TAS2R42: variants seen among roughly 807,000 people sequenced by gnomAD.
TAS2R42 encodes taste 2 receptor member 42, also known as taste receptor type 2 member 42.
For missense variants in TAS2R42, 356 were observed against 356.9 expected (o/e 1.00, Z 0.02); for synonymous variants, 138 against 133.0 (o/e 1.04, Z -0.26).
Position 11,186,828 on chromosome 12 carries a change from T to C in TAS2R42, c.110A>G (p.Lys37Arg). 1 of 1,614,144 alleles carries C rather than the reference T, an allele frequency of 6.2e-7. No homozygotes were observed. The highest frequency in any genetic ancestry group is 1.1e-5 in the South Asian group (1 of 91,080). The change falls in exon 1 of 1, where the codon AAG becomes AGG. Residue 37 changes from lysine to arginine, a missense_variant. Coordinates refer to ENST00000334266, the MANE Select transcript of TAS2R42 (RefSeq NM_181429.2). The stretch of plus-strand genomic sequence containing the variant: ...GTCAGCTGAGAAGACCTTTTGGTTC[T>C]TGATCCCTTCAGAGCAGTTTACCAG... ...IGLVNCSEGI[K>R]NQKVFSADFI...
At position 11,186,833 on chromosome 12, in the gene TAS2R42, C is replaced by G. The variant is rs1001178720; in HGVS notation, c.105G>C (p.Gly35=). The change falls in exon 1 of 1, where the codon GGG becomes GGC. Residue 35 remains glycine, a synonymous_variant. Coordinates refer to ENST00000334266, the MANE Select transcript of TAS2R42 (RefSeq NM_181429.2). Reference sequence around the variant, plus strand: ...CTGAGAAGACCTTTTGGTTCTTGATCCCTTCAGAGCAGTTTACCAGTCCAA... The same window carrying G: ...CTGAGAAGACCTTTTGGTTCTTGATGCCTTCAGAGCAGTTTACCAGTCCAA... ...VFIGLVNCSE[G]IKNQKVFSAD... The G allele has an allele frequency of 6.2e-7, 1 of 1,613,940 alleles. No individual in the cohort carries two copies. The highest frequency in any genetic ancestry group is 8.5e-7 in the Non-Finnish European group (1 of 1,179,980).
Position 11,186,026 on chromosome 12 carries a change from G to T in TAS2R42, c.912C>A (p.Asn304Lys), listed in dbSNP as rs144512624. The change falls in exon 1 of 1, where the codon AAC becomes AAA. Residue 304 changes from asparagine to lysine, a missense_variant. Transcript: ENST00000334266. ...TAVRLLWHLR[N>K]YTKTPNPLPL ...GTAAAGGGTTTGGTGTTTTTGTATA[G>T]TTCCTAAGATGCCACAGTAGCCTCA... The T allele has an allele frequency of 1.5e-4, 241 of 1,612,282 alleles. No individual in the cohort carries two copies. In the African/African-American group the frequency reaches 3.1e-3, roughly 21 times the overall value.
rs1326935045 is a variant in TAS2R42 at position 11,186,131 on chromosome 12, G to GACAAACTTT, written c.798_806dup (p.Lys267_Val269dup). ...AGGGAAAGGCATTTAAGGCTAACATGACAAACTTTATGCACTTGTTGTTCC... is the reference window on the plus strand; with the variant it reads ...AGGGAAAGGCATTTAAGGCTAACATGACAAACTTTACAAACTTTATGCACTTGTTGTTCC... On this transcript the variant is annotated inframe_insertion, in exon 1 of 1. Coordinates refer to ENST00000334266, the MANE Select transcript of TAS2R42 (RefSeq NM_181429.2). The GACAAACTTT allele has an allele frequency of 1.2e-6, 2 of 1,613,892 alleles. No homozygotes were observed. Among genetic ancestry groups the GACAAACTTT allele is most frequent in the Admixed American group, 3.3e-5 (2 of 59,986 alleles).
In TAS2R42 at chr12:11,186,108, G is replaced by A. The variant is rs776183247; in HGVS notation, c.830C>T (p.Pro277Leu). The A allele has an allele frequency of 7.4e-6, 12 of 1,613,982 alleles. No individual in the cohort carries two copies. Among genetic ancestry groups the A allele is most frequent in the Non-Finnish European group, 1.0e-5 (12 of 1,179,910 alleles). ...AATGAGAATAAATGAGTGGCACGAGGGAAAGGCATTTAAGGCTAACATGAC... is the reference window on the plus strand; with the variant it reads ...AATGAGAATAAATGAGTGGCACGAGAGAAAGGCATTTAAGGCTAACATGAC... ...KFVMLALNAFPSCHSFILILG... is the reference protein window; with the variant it reads ...KFVMLALNAFLSCHSFILILG... The change falls in exon 1 of 1, where the codon CCC becomes CTC. Residue 277 changes from proline to leucine, a missense_variant. Transcript: ENST00000334266.
the TAS2R42 span, chr12:11,186,428 TTCATC>T: frequency 6.2e-7 from 1 of 1,604,122 alleles, no homozygotes; most frequent in Non-Finnish European, 8.5e-7. Context: ...GAGTTTTACT[TTCATC>T]TAAATATAAA....
chr12:11,186,442 A>G lies in TAS2R42; in HGVS notation c.496T>C (p.Leu166=), dbSNP rs1184024033. 1 of 1,604,610 alleles carries G rather than the reference A, an allele frequency of 6.2e-7. No homozygotes were observed. The highest frequency in any genetic ancestry group is 8.5e-7 in the Non-Finnish European group (1 of 1,175,108). ...AGAGTTTTACTTTCATCTAAATATA[A>G]AGTCAGATTACTTTTATCTATTATA... ...LNIIDKSNLT[L]YLDESKTLYD... The change falls in exon 1 of 1, where the codon TTA becomes CTA. Residue 166 remains leucine (L), a synonymous_variant. Coordinates refer to ENST00000334266, the MANE Select transcript of TAS2R42 (RefSeq NM_181429.2).
chr12:11,186,453 C>T lies in TAS2R42; in HGVS notation c.485G>A (p.Ser162Asn). 6.2e-7 allele frequency: 1 copy of T among 1,605,864 alleles called. No individual in the cohort carries two copies. Among genetic ancestry groups the T allele is most frequent in the Non-Finnish European group, 8.5e-7 (1 of 1,175,896 alleles). The change falls in exon 1 of 1, where the codon AGT becomes AAT. Residue 162 changes from serine (S) to asparagine (N), a missense_variant. Coordinates refer to ENST00000334266, the MANE Select transcript of TAS2R42 (RefSeq NM_181429.2). ...TTCATCTAAATATAAAGTCAGATTA[C>T]TTTTATCTATTATATTGAGTGAGAT... ...IDISLNIIDK[S>N]NLTLYLDESK...
rs1180856325 is a variant in TAS2R42, at chr12:11,186,483, A to G, written c.455T>C (p.Ile152Thr). 4 of 1,612,162 alleles carry G rather than the reference A, an allele frequency of 2.5e-6. No homozygotes were observed. In the African/African-American group the frequency reaches 5.4e-5, roughly 22 times the overall value. ...ATCTATTATATTGAGTGAGATATCAATAAATATTTCTAGCACTAAACTGTC... is the reference window on the plus strand; with the variant it reads ...ATCTATTATATTGAGTGAGATATCAGTAAATATTTCTAGCACTAAACTGTC... Reference protein sequence around the residue: ...IFDSLVLEIFIDISLNIIDKS... With the variant: ...IFDSLVLEIFTDISLNIIDKS... Residue 152 changes from isoleucine (I) to threonine (T), a missense_variant, in exon 1 of 1, where the codon ATT becomes ACT. By Grantham distance (89) the Ile-to-Thr change is moderately conservative. Coordinates refer to ENST00000334266, the MANE Select transcript of TAS2R42 (RefSeq NM_181429.2).
Position 11,186,826 on chromosome 12 carries a change from T to G in TAS2R42, c.112A>C (p.Asn38His), listed in dbSNP as rs1473137609. The change falls in exon 1 of 1, where the codon AAC becomes CAC. Residue 38 changes from asparagine (N) to histidine (H), a missense_variant. Transcript: ENST00000334266. The stretch of plus-strand genomic sequence containing the variant: ...AAGTCAGCTGAGAAGACCTTTTGGT[T>G]CTTGATCCCTTCAGAGCAGTTTACC... ...GLVNCSEGIK[N>H]QKVFSADFIL... is the part of the protein sequence containing the mutation. 6.2e-7 allele frequency: 1 copy of G among 1,614,072 alleles called. No individual in the cohort carries two copies. Among genetic ancestry groups the G allele is most frequent in the African/African-American group, 1.3e-5 (1 of 75,034 alleles).
chr12:11,186,247 TCCTATGGG>T, the TAS2R42 span: 1 of 1,613,732 alleles, frequency 6.2e-7, no homozygotes, highest in Non-Finnish European at 8.5e-7. Context: ...TTCATGGCCC[TCCTATGGG>T]CCTCTGTGCT....
Position 11,186,708 on chromosome 12 carries a change from G to C in TAS2R42, c.230C>G (p.Thr77Ser), listed in dbSNP as rs150770495. 1.9e-6 allele frequency: 3 copies of C among 1,613,932 alleles called. No homozygotes were observed. In the African/African-American group the frequency reaches 4.0e-5, roughly 22 times the overall value. ...FLVGLASHLY[T>S]TYRLGKTVIM... ...AACAGTTTTTCCTAGTCTATATGTG[G>C]TATATAAATGTGAAGCAAGTCCCAC... Residue 77 changes from threonine to serine, a missense_variant, in exon 1 of 1, where the codon ACC becomes AGC. Coordinates refer to ENST00000334266, the MANE Select transcript of TAS2R42 (RefSeq NM_181429.2).
Position 11,186,661 on chromosome 12 carries a change from T to C in TAS2R42, c.277A>G (p.Asn93Asp). The C allele has an allele frequency of 6.2e-7, 1 of 1,614,108 alleles. No homozygotes were observed. Among genetic ancestry groups the C allele is most frequent in the Non-Finnish European group, 8.5e-7 (1 of 1,180,014 alleles). ...GTGGCAAGCCAGGTTGTCAAGTGAT[T>C]AGTCATGTGCCAAAGCATAATAACA... ...KTVIMLWHMT[N>D]HLTTWLATCL... Residue 93 changes from asparagine to aspartate, a missense_variant, in exon 1 of 1, where the codon AAT (asparagine) becomes GAT (aspartate). Asn to Asp is a conservative substitution (Grantham distance 23, BLOSUM62 1). Transcript: ENST00000334266.
Position 11,186,467 on chromosome 12 carries a change from A to T in TAS2R42, c.471T>A (p.Asn157Lys), listed in dbSNP as rs1948026323. ...VLEIFIDISL[N>K]IIDKSNLTLY... ...AAGTCAGATTACTTTTATCTATTAT[A>T]TTGAGTGAGATATCAATAAATATTT... The change falls in exon 1 of 1, where the codon AAT becomes AAA. Residue 157 changes from asparagine to lysine, a missense_variant. Transcript: ENST00000334266. 1.2e-6 allele frequency: 2 copies of T among 1,610,352 alleles called. No individual in the cohort carries two copies. Among genetic ancestry groups the T allele is most frequent in the Non-Finnish European group, 1.7e-6 (2 of 1,177,672 alleles).
At chr12:11,186,480 TCA>T in the TAS2R42 span, 1 of 1,611,912 alleles carries the variant, frequency 6.2e-7, no homozygotes, top group Non-Finnish European at 8.5e-7. Context: ...GAGTGAGATA[TCA>T]ATAAATATTT....
Position 11,186,207 on chromosome 12 carries a change from A to G in TAS2R42, c.731T>C (p.Ile244Thr), listed in dbSNP as rs1422744681. Residue 244 changes from isoleucine (I) to threonine (T), a missense_variant, in exon 1 of 1, where the codon ATA becomes ACA. Physicochemically the swap from Ile to Thr is moderately conservative, Grantham distance 89 (BLOSUM62 -1). Transcript: ENST00000334266. ...KMVMSFLFLF[I>T]VHFFSLQVAN... is the part of the protein sequence containing the mutation. ...CACTTGTAAGGAAAAAAAATGAACTATGAAGAGGAAAAGGAAAGACATCAC... is the reference window on the plus strand; with the variant it reads ...CACTTGTAAGGAAAAAAAATGAACTGTGAAGAGGAAAAGGAAAGACATCAC... 6.2e-7 allele frequency: 1 copy of G among 1,613,724 alleles called. No individual in the cohort carries two copies. The highest frequency in any genetic ancestry group is 1.1e-5 in the South Asian group (1 of 91,062).
At position 11,186,848 on chromosome 12, in the gene TAS2R42, T is replaced by C. The variant is rs1277128803; in HGVS notation, c.90A>G (p.Val30=). The C allele has an allele frequency of 6.2e-7, 1 of 1,613,946 alleles. No homozygotes were observed. Among genetic ancestry groups the C allele is most frequent in the Non-Finnish European group, 8.5e-7 (1 of 1,179,960 alleles). The change falls in exon 1 of 1, where the codon GTA becomes GTG. Residue 30 remains valine (V), a synonymous_variant. Transcript: ENST00000334266. Reference sequence around the variant, plus strand: ...GGTTCTTGATCCCTTCAGAGCAGTTTACCAGTCCAATGAACACATTCCCCA... The same window carrying C: ...GGTTCTTGATCCCTTCAGAGCAGTTCACCAGTCCAATGAACACATTCCCCA... ...SMLGNVFIGL[V]NCSEGIKNQK... is the part of the protein sequence containing the mutation.
the TAS2R42 span, chr12:11,186,163 T>TA: frequency 9.9e-6 from 16 of 1,613,600 alleles, no homozygotes; most frequent in East Asian, 2.2e-5. Flanking sequence ...TTCCACAACA[T>TA]AAAAAATATC....
At position 11,186,104 on chromosome 12, in the gene TAS2R42, C is replaced by T. The variant is rs190600436; in HGVS notation, c.834G>A (p.Ser278=). ...FVMLALNAFP[S]CHSFILILGN... is the part of the protein sequence containing the mutation. Reference sequence around the variant, plus strand: ...CCAGAATGAGAATAAATGAGTGGCACGAGGGAAAGGCATTTAAGGCTAACA... The same window carrying T: ...CCAGAATGAGAATAAATGAGTGGCATGAGGGAAAGGCATTTAAGGCTAACA... Residue 278 remains serine, a synonymous_variant, in exon 1 of 1, where the codon TCG becomes TCA. Transcript: ENST00000334266. 88 of 1,613,672 alleles carry T rather than the reference C, an allele frequency of 5.5e-5. No individual in the cohort carries two copies. The highest frequency in any genetic ancestry group is 3.3e-4 in the South Asian group (30 of 91,064).
In TAS2R42 at chr12:11,186,208, T is replaced by A. The variant is rs776304375; in HGVS notation, c.730A>T (p.Ile244Leu). The change falls in exon 1 of 1, where the codon ATA (isoleucine) becomes TTA (leucine). Residue 244 changes from isoleucine to leucine, a missense_variant. Physicochemically the swap from Ile to Leu is conservative, Grantham distance 5. Transcript: ENST00000334266. ...ACTTGTAAGGAAAAAAAATGAACTA[T>A]GAAGAGGAAAAGGAAAGACATCACC... is the stretch of plus-strand genomic sequence containing the variant. ...KMVMSFLFLF[I>L]VHFFSLQVAN... 15 of 1,613,462 alleles carry A rather than the reference T, an allele frequency of 9.3e-6. No individual in the cohort carries two copies. Among genetic ancestry groups the A allele is most frequent in the Non-Finnish European group, 1.3e-5 (15 of 1,179,820 alleles).
Sources: gnomAD v4.1 joint callset for allele counts on GRCh38, gnomAD v4.1.1 for gene constraint, MANE v1.5 for transcripts, NCBI Gene and HGNC (gene_info 2026-07-23, HGNC 2026-07-21) for gene names.